The following SGCZ variants were observed in gnomAD, a reference collection of about 807,000 sequenced individuals.
SGCZ encodes sarcoglycan zeta, also known as zeta-sarcoglycan.
Under a neutral mutation model 41.3 loss-of-function variants are expected in SGCZ, and 40 were observed. The observed-to-expected ratio is 0.97, with a 90% CI of 0.75 to 1.26. The LOEUF (loss-of-function observed/expected upper bound fraction) is 1.26, where lower values mean the gene tolerates loss of function less well. Among genes scored for constraint, SGCZ ranks in the 50% most tolerant of loss-of-function variants. SGCZ has a pLI of 0.00. For synonymous variants in SGCZ, 206 were observed against 137.5 expected, an observed-to-expected ratio of 1.50 and a Z score of -3.49; for missense variants, 552 against 369.8, an observed-to-expected ratio of 1.49 and a Z score of -4.04.
At chr8:14,184,323 C>T (rs1335557409) in intron 4 of SGCZ, among the ~76,000 whole-genome samples, 1 of 152,008 alleles carries the variant, frequency 6.6e-6, no homozygotes, top group African/African-American at 2.4e-5. Flanking sequence ...ACACTTATGG[C>T]CTGGACATAA....
intron 1 of SGCZ, among the ~76,000 whole-genome samples, chr8:14,804,487 A>AGATGAAATG (rs1181137816): frequency 8.2e-6 from 1 of 122,316 alleles, no homozygotes; most frequent in Non-Finnish European, 1.7e-5. Context: ...CAGCAGTGGA[A>AGATGAAATG]GATGAAATGA....
At chr8:14,217,172 T>G (rs1172541714) in intron 4 of SGCZ, among the ~76,000 whole-genome samples, 1 of 151,630 alleles carries the variant, frequency 6.6e-6, no homozygotes, top group Non-Finnish European at 1.5e-5. Flanking sequence ...GGCAGGCACC[T>G]GTAGTCCTAG....
intron 1 of SGCZ, among the ~76,000 whole-genome samples, chr8:14,708,793 T>G: frequency 6.8e-6 from 1 of 148,032 alleles, no homozygotes; most frequent in East Asian, 2.0e-4. Flanking sequence ...AGAACACACT[T>G]GGAATGATGT....
At chr8:15,160,928 G>C (rs1019389486) in intron 1 of SGCZ, among the ~76,000 whole-genome samples, 1 of 152,170 alleles carries the variant, frequency 6.6e-6, no homozygotes, top group East Asian at 1.9e-4. Context: ...AATCTGGTGT[G>C]CAGCCACTAC....
chr8:14,120,395 C>T (rs1478446023), intron 5 of SGCZ, among the ~76,000 whole-genome samples: 3 of 152,064 alleles, frequency 2.0e-5, no homozygotes, highest in Admixed American at 1.3e-4. Flanking sequence ...TACAACATAA[C>T]CTCTATCAAC....
At chr8:14,611,324 G>A (rs577593937) in intron 1 of SGCZ, among the ~76,000 whole-genome samples, 1 of 59,820 alleles carries the variant, frequency 1.7e-5, no homozygotes, top group Non-Finnish European at 4.4e-5. Context: ...AAATGAATAT[G>A]TGGGTCTATG....
intron 1 of SGCZ, among the ~76,000 whole-genome samples, chr8:14,828,817 A>G (rs1802427948): frequency 6.6e-6 from 1 of 152,168 alleles, no homozygotes; most frequent in East Asian, 1.9e-4. Flanking sequence ...GCCCGAGAAC[A>G]TTTCAGCAGA....
intron 1 of SGCZ, among the ~76,000 whole-genome samples, chr8:14,575,890 A>C (rs1293779915): frequency 7.3e-6 from 1 of 137,476 alleles, no homozygotes; most frequent in East Asian, 2.2e-4. Flanking sequence ...TGGGCAACAG[A>C]GTGAGACCCT....
At chr8:14,778,400 T>C (rs369630886) in intron 1 of SGCZ, among the ~76,000 whole-genome samples, 2 of 152,104 alleles carry the variant, frequency 1.3e-5, no homozygotes, top group Admixed American at 6.5e-5. Context: ...ATCATATGCA[T>C]GAATTTGTAA....
At chr8:15,191,645 A>G (rs1226184973) in intron 1 of SGCZ, among the ~76,000 whole-genome samples, 1 of 152,076 alleles carries the variant, frequency 6.6e-6, no homozygotes, top group Non-Finnish European at 1.5e-5. Flanking sequence ...AAAACAGACA[A>G]TAAGGAATAT....
chr8:14,098,007 C>T (rs1801896899), intron 7 of SGCZ, among the ~76,000 whole-genome samples: 1 of 152,120 alleles, frequency 6.6e-6, no homozygotes, highest in Non-Finnish European at 1.5e-5. Flanking sequence ...CATCTTCACA[C>T]CTTACTTTCC....
intron 1 of SGCZ, among the ~76,000 whole-genome samples, chr8:15,222,046 C>T (rs961871433): frequency 6.6e-6 from 1 of 152,106 alleles, no homozygotes; most frequent in African/African-American, 2.4e-5. Flanking sequence ...TTTACTTCTC[C>T]TTCGTAATTA....
chr8:14,519,235 T>C (rs1802716138), intron 2 of SGCZ, among the ~76,000 whole-genome samples: 1 of 152,126 alleles, frequency 6.6e-6, no homozygotes, highest in African/African-American at 2.4e-5. Context: ...GGAAGCTGTT[T>C]TCTTAAACCT....
Position 14,222,502 on chromosome 8 carries a change from G to A in SGCZ, c.424+15090C>T, listed in dbSNP as rs113992089. Among the ~76,000 whole-genome samples, 1,084 of 152,012 alleles carry A rather than the reference G, an allele frequency of 7.1e-3. 13 individuals carry two copies. The highest frequency in any genetic ancestry group is 0.025 in the African/African-American group (1,037 of 41,468). On this transcript the variant is annotated intron_variant, in intron 4 of 7. Coordinates refer to ENST00000382080, the MANE Select transcript of SGCZ (RefSeq NM_139167.4). The stretch of plus-strand genomic sequence containing the variant: ...TTGTTTTAGGGGGTGTTGACCTCCA[G>A]AATAATCTTAACTTTCATGCATATA...
intron 1 of SGCZ, among the ~76,000 whole-genome samples, chr8:14,648,448 A>G (rs1383862001): frequency 6.6e-6 from 1 of 152,054 alleles, no homozygotes; most frequent in African/African-American, 2.4e-5. Context: ...AATATAATGG[A>G]GCAATATTTC....
intron 2 of SGCZ, among the ~76,000 whole-genome samples, chr8:14,529,014 T>C (rs1341644319): frequency 1.3e-5 from 2 of 152,076 alleles, no homozygotes; most frequent in Non-Finnish European, 2.9e-5. Context: ...CTTATGATCC[T>C]ATTCAATTCT....
chr8:15,208,069 T>G (rs1233543609), intron 1 of SGCZ, among the ~76,000 whole-genome samples: 2 of 152,192 alleles, frequency 1.3e-5, no homozygotes, highest in Non-Finnish European at 2.9e-5. Context: ...CTAAATATTA[T>G]TTTCCTCTGT....
chr8:14,331,122 C>T (rs1020840910), intron 2 of SGCZ, among the ~76,000 whole-genome samples: 159 of 151,312 alleles, frequency 1.1e-3, no homozygotes, highest in African/African-American at 3.4e-3. Flanking sequence ...GACACAGTTT[C>T]GAGACAACTT....
At chr8:15,188,614 G>A (rs1800425619) in intron 1 of SGCZ, among the ~76,000 whole-genome samples, 1 of 152,072 alleles carries the variant, frequency 6.6e-6, no homozygotes. Flanking sequence ...AATTCCTGTT[G>A]TGCTTGTTTT....
Sources: allele counts gnomAD v4.1 joint callset (sites outside exome capture counted in the v4.1 genomes callset), GRCh38; gene constraint gnomAD v4.1.1; transcripts MANE v1.5; gene names NCBI Gene and HGNC (gene_info 2026-07-23, HGNC 2026-07-21).